Variants in PLEKHG4B observed in about 807,000 individuals in gnomAD.
PLEKHG4B encodes the protein pleckstrin homology domain-containing family G member 4B.
A neutral mutation model predicts 121.3 loss-of-function variants in PLEKHG4B; 111 were observed. The observed-to-expected ratio is 0.92, with a 90% CI of 0.78 to 1.07. The LOEUF is 1.07. Among genes scored for constraint, PLEKHG4B ranks in the 50% least tolerant of loss-of-function variants. The pLI is 0.00. For missense variants in PLEKHG4B, 1,831 were observed against 1,757.8 expected (o/e 1.04, Z -0.74); for synonymous variants, 738 against 725.0 (o/e 1.02, Z -0.29).
intron 12 of PLEKHG4B, among the ~76,000 whole-genome samples, chr5:162,309 C>T (rs1042830413): frequency 1.3e-4 from 20 of 151,382 alleles, no homozygotes; most frequent in African/African-American, 3.7e-4. Flanking sequence ...TCCCCCGCGC[C>T]GGGGACTGCC....
intron 1 of PLEKHG4B, among the ~76,000 whole-genome samples, chr5:99,170 G>GTATATATATATATATATA (rs534174768): frequency 3.0e-5 from 3 of 100,510 alleles, no homozygotes; most frequent in East Asian, 3.0e-4. Flanking sequence ...AAAAAAAAGT[G>GTATATATATATATATATA]TATATATATA....
At chr5:142,379 G>T (rs199501087) in intron 3 of PLEKHG4B, among the ~76,000 whole-genome samples, 1 of 150,130 alleles carries the variant, frequency 6.7e-6, no homozygotes, top group Admixed American at 6.7e-5. Context: ...CATACGACAC[G>T]CACACAGAAT....
intron 13 of PLEKHG4B, 175 bp from the exon 14 acceptor site, chr5:169,165 C>A (rs1185345372): frequency 1.2e-6 from 1 of 810,652 alleles, no homozygotes; most frequent in Non-Finnish European, 1.9e-6. Flanking sequence ...CGAGCCCCCA[C>A]GCCTGGCCGG....
chr5:93,356 C>T (rs972270445), intron 1 of PLEKHG4B, among the ~76,000 whole-genome samples: 19 of 152,208 alleles, frequency 1.2e-4, no homozygotes, highest in African/African-American at 3.9e-4. Context: ...AAATTCCAGG[C>T]TCTCTGGGTC....
intron 2 of PLEKHG4B, among the ~76,000 whole-genome samples, chr5:132,166 G>C (rs551267673): frequency 1.3e-5 from 2 of 151,366 alleles, no homozygotes; most frequent in Non-Finnish European, 2.9e-5. Context: ...CTTCCTAGAG[G>C]AGTTACGCAA....
At chr5:181,859 C>T in intron 19 of PLEKHG4B, 145 bp from the exon 20 acceptor site, 1 of 1,264,606 alleles carries the variant, frequency 7.9e-7, no homozygotes. Flanking sequence ...GGGCACTGGG[C>T]CAGTGGCCGA....
chr5:164,679 CA>C (rs1368393657), intron 13 of PLEKHG4B, among the ~76,000 whole-genome samples: 2 of 95,214 alleles, frequency 2.1e-5, no homozygotes, highest in African/African-American at 7.9e-5. Flanking sequence ...AATACTCTGA[CA>C]GGGGGCGGAG....
chr5:123,487 C>T (rs1258383247), intron 2 of PLEKHG4B, among the ~76,000 whole-genome samples: 1 of 152,122 alleles, frequency 6.6e-6, no homozygotes, highest in East Asian at 1.9e-4. Flanking sequence ...TTCACCAATG[C>T]AACCATGAGT....
At chr5:93,109 T>C (rs1733521800) in intron 1 of PLEKHG4B, among the ~76,000 whole-genome samples, 1 of 152,108 alleles carries the variant, frequency 6.6e-6, no homozygotes, top group Non-Finnish European at 1.5e-5. Flanking sequence ...AGTTGGTACG[T>C]CTAGGTGTCT....
At chr5:141,732 T>TTTTTTG (rs1735212250) in intron 3 of PLEKHG4B, among the ~76,000 whole-genome samples, 2 of 148,616 alleles carry the variant, frequency 1.3e-5, no homozygotes, top group African/African-American at 5.1e-5. Flanking sequence ...TTTTTTTTTT[T>TTTTTTG]GAGTAAAGAA....
chr5:103,816 TTCTA>T (rs890820052), intron 1 of PLEKHG4B, among the ~76,000 whole-genome samples: 19 of 152,230 alleles, frequency 1.2e-4, no homozygotes, highest in Non-Finnish European at 2.8e-4. Flanking sequence ...AACTTATTCC[TTCTA>T]TCTGACTGTA....
At chr5:107,405 C>A (rs549793810) in intron 1 of PLEKHG4B, among the ~76,000 whole-genome samples, 2 of 152,214 alleles carry the variant, frequency 1.3e-5, no homozygotes, top group Non-Finnish European at 2.9e-5. Context: ...ACGACGTTGC[C>A]CCTGAGGCCT....
rs1307112797 is a variant in PLEKHG4B at position 182,110 on chromosome 5, C to G, written c.4671C>G (p.Ser1557Arg). ...ISDSSTSSSS[S>R]QSSSILGSLG... ...ACAGCAGCACCTCCTCTTCTAGCAG[C>G]CAGTCCTCCTCCATCCTGGGGTCGC... Residue 1557 changes from serine to arginine, a missense_variant, in exon 20 of 20, where the codon AGC becomes AGG. Transcript: ENST00000637938. 4 of 1,614,168 alleles carry G rather than the reference C, an allele frequency of 2.5e-6. No individual in the cohort carries two copies. Among genetic ancestry groups the G allele is most frequent in the Middle Eastern group, 1.6e-4 (1 of 6,062 alleles).
In PLEKHG4B at chr5:156,038, AGT is replaced by A; in HGVS notation, c.2209-32_2209-31del. 6.6e-7 allele frequency: 1 copy of A among 1,519,380 alleles called. No individual in the cohort carries two copies. Among genetic ancestry groups the A allele is most frequent in the Non-Finnish European group, 8.9e-7 (1 of 1,127,946 alleles). 94.1% of individuals were successfully genotyped at this position (1,519,380 alleles called of 1,614,324 possible). On this transcript the variant is annotated intron_variant, in intron 9 of 19. Coordinates refer to ENST00000637938, the MANE Select transcript of PLEKHG4B (RefSeq NM_052909.5). The surrounding 1 kb of genome is among the most constrained non-coding windows in gnomAD (Gnocchi z 4.4). ...GGAGGACCTGCCCCTTGGAGGAGGG[AGT>A]TAAAGGCTTATTCCTCCCCATCCCG... is the stretch of plus-strand genomic sequence containing the variant.
In PLEKHG4B at chr5:188,835, G is replaced by C. The variant is rs554990694; in HGVS notation, c.*6512G>C. On this transcript the variant is annotated 3_prime_UTR_variant, in exon 20 of 20. Transcript: ENST00000637938. Reference sequence around the variant, plus strand: ...GCAGGCTCAGCGATGCTCTCCATCCGGCCTGGCCCCACCGTGTGTATCAGG... The same window carrying C: ...GCAGGCTCAGCGATGCTCTCCATCCCGCCTGGCCCCACCGTGTGTATCAGG... The C allele has an allele frequency of 6.6e-6, 1 of 152,396 alleles. No homozygotes were observed. The highest frequency in any genetic ancestry group is 1.9e-4 in the East Asian group (1 of 5,190). The allele number at this position is 152,396 out of a possible 1,614,324, so 9.4% of individuals were successfully genotyped here.
In PLEKHG4B at chr5:133,941, C is replaced by CACACACACACATAT. The variant is rs34900477; in HGVS notation, c.244-5541_244-5540insCACACACACATATA. 2.1e-3 allele frequency among the ~76,000 whole-genome samples: 310 copies of CACACACACACATAT among 146,344 alleles called. 1 individual carries two copies. The highest frequency in any genetic ancestry group is 0.011 in the Middle Eastern group (3 of 282). On this transcript the variant is annotated intron_variant, in intron 2 of 19. Transcript: ENST00000637938. ...ACACACGCACACACACACACACACA[C>CACACACACACATAT]ATATATATATGGTGGAATATATATA...
At chr5:114,628 T>C (rs1252616001) in intron 2 of PLEKHG4B, among the ~76,000 whole-genome samples, 1 of 152,168 alleles carries the variant, frequency 6.6e-6, no homozygotes, top group Admixed American at 6.5e-5. Flanking sequence ...TGGCTGATTT[T>C]TGTGTTTTTA....
At chr5:148,001 A>AG (rs1735480054) in intron 6 of PLEKHG4B, among the ~76,000 whole-genome samples, 1 of 151,262 alleles carries the variant, frequency 6.6e-6, no homozygotes, top group African/African-American at 2.4e-5. Context: ...AATTGATGCC[A>AG]AAAAAAAAGC....
intron 2 of PLEKHG4B, among the ~76,000 whole-genome samples, chr5:118,855 CT>C (rs35448860): frequency 0.99 from 138,251 of 139,844 alleles, 68,333 homozygotes; most frequent in African/African-American, 0.99. Context: ...CCTCCTCCTT[CT>C]TTTTTTTTTT....
Sources: allele counts gnomAD v4.1 joint callset (sites outside exome capture counted in the v4.1 genomes callset), GRCh38; gene constraint gnomAD v4.1.1; non-coding constraint Gnocchi (gnomAD v3.1); transcripts MANE v1.5; gene names NCBI Gene and HGNC (gene_info 2026-07-23, HGNC 2026-07-21).